MRPS9: variants seen among roughly 807,000 people sequenced by gnomAD.
MRPS9 encodes small ribosomal subunit protein uS9m.
MRPS9 carries 45 observed loss-of-function variants against 59.9 expected under a neutral mutation model. That is an observed-to-expected ratio of 0.75 (90% CI 0.59 to 0.96). The LOEUF (loss-of-function observed/expected upper bound fraction) is 0.96, where lower values mean the gene tolerates loss of function less well. MRPS9 is among the 40% of genes least tolerant of loss of function. The probability of loss-of-function intolerance (pLI) is 0.00; values close to 1 mark genes in which losing one functional copy is unlikely to be tolerated. For missense variants in MRPS9, 473 were observed against 481.1 expected (o/e 0.98, Z 0.16); for synonymous variants, 171 against 166.8 (o/e 1.03, Z -0.19).
At chr2:105,081,136 G>A (rs1680331058) in intron 5 of MRPS9, among the ~76,000 whole-genome samples, 1 of 152,208 alleles carries the variant, frequency 6.6e-6, no homozygotes, top group South Asian at 2.1e-4. Context: ...AACGCCGCCG[G>A]TTTGATCTGT....
Position 105,038,320 on chromosome 2 carries a change from C to T in MRPS9, c.135+93C>T, listed in dbSNP as rs1017826701. ...CTTCCCCCAGCGTCTCGCGTGCCTT[C>T]AGGCAGGGACTCTAGGATCTTAGGT... On this transcript the variant is annotated intron_variant, in intron 1 of 10. Coordinates refer to ENST00000258455, the MANE Select transcript of MRPS9 (RefSeq NM_182640.3). 17 of 1,486,534 alleles carry T rather than the reference C, an allele frequency of 1.1e-5. No homozygotes were observed. In the African/African-American group the frequency reaches 1.8e-4, roughly 16 times the overall value. The allele number at this position is 1,486,534 out of a possible 1,614,324, so 92.1% of individuals were successfully genotyped here.
chr2:105,098,035 A>G (rs749299639), intron 10 of MRPS9, among the ~76,000 whole-genome samples: 8 of 152,278 alleles, frequency 5.3e-5, no homozygotes, highest in Admixed American at 2.0e-4. Context: ...GGTTAGTGAT[A>G]AAGTTCTTTG....
intron 6 of MRPS9, among the ~76,000 whole-genome samples, chr2:105,089,539 A>T (rs1680516496): frequency 6.6e-6 from 1 of 152,158 alleles, no homozygotes; most frequent in Admixed American, 6.5e-5. Context: ...AGTTAAGTTA[A>T]ATGCACTCCT....
chr2:105,099,662 T>G lies in MRPS9; in HGVS notation c.1100-8T>G. The G allele has an allele frequency of 6.2e-7, 1 of 1,613,294 alleles. No individual in the cohort carries two copies. The highest frequency in any genetic ancestry group is 1.7e-4 in the Middle Eastern group (1 of 6,048). On this transcript the variant is annotated splice_region_variant and splice_polypyrimidine_tract_variant and intron_variant, in intron 10 of 10. Transcript: ENST00000258455. Reference sequence around the variant, plus strand: ...TGGTTCCTAAAGGCTTCTCTTTTTATGCTGCAGCTGGACTACTTACTACTG... The same window carrying G: ...TGGTTCCTAAAGGCTTCTCTTTTTAGGCTGCAGCTGGACTACTTACTACTG...
At chr2:105,045,353 T>C (rs1461014163) in intron 1 of MRPS9, among the ~76,000 whole-genome samples, 3 of 150,608 alleles carry the variant, frequency 2.0e-5, no homozygotes, top group South Asian at 2.1e-4. Context: ...TTTTTTTTTT[T>C]CATATAGCAA....
intron 2 of MRPS9, among the ~76,000 whole-genome samples, chr2:105,054,651 G>A (rs1275941833): frequency 2.1e-4 from 21 of 99,854 alleles, no homozygotes; most frequent in African/African-American, 5.7e-4. Context: ...AATATAGCGG[G>A]CCCCTTTTGG....
chr2:105,061,429 G>C (rs547341651), intron 2 of MRPS9, among the ~76,000 whole-genome samples: 3 of 152,272 alleles, frequency 2.0e-5, no homozygotes, highest in South Asian at 4.1e-4. Context: ...GGGGTAGTAT[G>C]GGGTGAGCTT....
intron 2 of MRPS9, among the ~76,000 whole-genome samples, chr2:105,058,978 G>A (rs569179383): frequency 1.1e-4 from 16 of 151,612 alleles, no homozygotes; most frequent in South Asian, 6.2e-4. Context: ...GCGCCCGGCA[G>A]TTTAATGAGT....
chr2:105,052,285 G>C (rs572750894), intron 2 of MRPS9, among the ~76,000 whole-genome samples: 1 of 152,078 alleles, frequency 6.6e-6, no homozygotes, highest in Non-Finnish European at 1.5e-5. Flanking sequence ...GATTCAGTAA[G>C]TTTTTTTCCA....
rs375889610 is a variant in MRPS9 at position 105,063,164 on chromosome 2, G to T, written c.316-8149G>T. Among the ~76,000 whole-genome samples the T allele has an allele frequency of 3.8e-4, 58 of 152,292 alleles. No individual in the cohort carries two copies. The East Asian group carries it at 0.01, about 27-fold the overall frequency. On this transcript the variant is annotated intron_variant, in intron 2 of 10. Transcript: ENST00000258455. The stretch of plus-strand genomic sequence containing the variant: ...CACATGCTGTAGTCTCAGCTCCTTG[G>T]GCGTCTGAGGCAGGAGGATTTCTTG...
rs1679926880 is a variant in MRPS9, at chr2:105,062,561, AT to A, written c.316-8751del. Among the ~76,000 whole-genome samples, 5 of 152,338 alleles carry A rather than the reference AT, an allele frequency of 3.3e-5. No individual in the cohort carries two copies. In the South Asian group the frequency reaches 1.0e-3, roughly 32 times the overall value. On this transcript the variant is annotated intron_variant, in intron 2 of 10. Transcript: ENST00000258455. ...GTTGTTAATATTCTGTCTTGTAACA[AT>A]AGATATGTGTTTGTTAATTTAGACC... is the stretch of plus-strand genomic sequence containing the variant.
At chr2:105,056,672 G>T (rs555647043) in intron 2 of MRPS9, among the ~76,000 whole-genome samples, 1 of 152,246 alleles carries the variant, frequency 6.6e-6, no homozygotes, top group Non-Finnish European at 1.5e-5. Flanking sequence ...TTGATTTCCA[G>T]TTTTACAACT....
At chr2:105,093,445 G>T in intron 8 of MRPS9, 85 bp from the exon 9 acceptor site, 1 of 723,578 alleles carries the variant, frequency 1.4e-6, no homozygotes, top group East Asian at 2.7e-5. Flanking sequence ...TATTATTTTG[G>T]GGAAACAAAT....
chr2:105,096,716 A>G (rs1680667740), intron 9 of MRPS9, among the ~76,000 whole-genome samples: 1 of 152,236 alleles, frequency 6.6e-6, no homozygotes, highest in Admixed American at 6.5e-5. Context: ...ATACAGATAC[A>G]CTTATAGTAG....
At chr2:105,050,522 T>TG (rs534621610) in intron 2 of MRPS9, among the ~76,000 whole-genome samples, 70 of 152,358 alleles carry the variant, frequency 4.6e-4, no homozygotes, top group African/African-American at 1.6e-3. Context: ...TTGAGTTTTA[T>TG]GGTAATCTGG....
chr2:105,058,740 C>T (rs561595000), intron 2 of MRPS9, among the ~76,000 whole-genome samples: 47 of 147,672 alleles, frequency 3.2e-4, no homozygotes, highest in Non-Finnish European at 6.1e-4. Context: ...CGTGCAGTGG[C>T]ACGATCTTGG....
At chr2:105,079,323 A>G (rs1404092232) in intron 4 of MRPS9, among the ~76,000 whole-genome samples, 2 of 132,588 alleles carry the variant, frequency 1.5e-5, no homozygotes, top group African/African-American at 5.9e-5. Context: ...CAACAGAGAT[A>G]GTATGCGCAA....
chr2:105,097,188 C>G lies in MRPS9; in HGVS notation c.963C>G (p.Asp321Glu). Reference sequence around the variant, plus strand: ...TGATGTTCCCTTTCCACTTTGTTGACCGGCTGGGAAAGCACGACGTGACCT... The same window carrying G: ...TGATGTTCCCTTTCCACTTTGTTGAGCGGCTGGGAAAGCACGACGTGACCT... ...EQLMFPFHFVDRLGKHDVTCT... is the reference protein window; with the variant it reads ...EQLMFPFHFVERLGKHDVTCT... Residue 321 changes from aspartate (D) to glutamate (E), a missense_variant, in exon 10 of 11, where the codon GAC becomes GAG. Asp to Glu is a conservative substitution (Grantham distance 45). Transcript: ENST00000258455. 6.3e-7 allele frequency: 1 copy of G among 1,592,474 alleles called. No homozygotes were observed. The highest frequency in any genetic ancestry group is 8.5e-7 in the Non-Finnish European group (1 of 1,169,924).
chr2:105,071,168 T>G (rs2104454483), intron 2 of MRPS9, 145 bp from the exon 3 acceptor site: 1 of 622,240 alleles, frequency 1.6e-6, no homozygotes, highest in East Asian at 2.9e-5. Context: ...TGTAGTAATT[T>G]TATCATCCCA....
Sources: allele counts gnomAD v4.1 joint callset (sites outside exome capture counted in the v4.1 genomes callset), GRCh38; gene constraint gnomAD v4.1.1; transcripts MANE v1.5; gene names NCBI Gene and HGNC (gene_info 2026-07-23, HGNC 2026-07-21).